HERC1: variants seen among roughly 807,000 people sequenced by gnomAD.
The protein encoded by HERC1 is probable E3 ubiquitin-protein ligase HERC1.
A neutral mutation model predicts 554.3 loss-of-function variants in HERC1; 160 were observed. The observed-to-expected ratio is 0.29, with a 90% CI of 0.25 to 0.33. HERC1 has a LOEUF of 0.33. Ranked by LOEUF, HERC1 falls within the 10% of genes least tolerant of loss-of-function variation. The pLI, the probability that HERC1 is intolerant of heterozygous loss-of-function variation, is 1.00. For synonymous variants in HERC1, 2,175 were observed against 2,131.7 expected (o/e 1.02, Z -0.56); for missense variants, 4,919 against 5,918.5 (o/e 0.83, Z 5.54).
chr15:63,788,490 G>A (rs2076525631), intron 1 of HERC1, among the ~76,000 whole-genome samples: 1 of 152,198 alleles, frequency 6.6e-6, no homozygotes, highest in African/African-American at 2.4e-5. Context: ...AGGGCATAGA[G>A]CAAAGAGTCT....
chr15:63,638,772 T>C lies in HERC1; in HGVS notation c.11906A>G (p.Asn3969Ser). 1 of 1,613,248 alleles carries C rather than the reference T, an allele frequency of 6.2e-7. No homozygotes were observed. The highest frequency in any genetic ancestry group is 1.1e-5 in the South Asian group (1 of 91,064). Residue 3969 changes from asparagine (N) to serine (S), a missense_variant, in exon 62 of 78, where the codon AAC becomes AGC. Physicochemically the swap from Asn to Ser is conservative, Grantham distance 46. Transcript: ENST00000443617. ...ATCCATGCCGTTAATCCATTTACTG[T>C]TATCCTGAAAAACAGGGGGTACATA... ...PEDELVFLMDNSKWINGMDEQ... is the reference protein window; with the variant it reads ...PEDELVFLMDSSKWINGMDEQ...
rs2075419095 is a variant in HERC1 at position 63,756,289 on chromosome 15, T to C, written c.1533+148A>G. 3.2e-6 allele frequency: 2 copies of C among 632,446 alleles called. No homozygotes were observed. Among genetic ancestry groups the C allele is most frequent in the Non-Finnish European group, 5.6e-6 (2 of 355,708 alleles). The allele number at this position is 632,446 out of a possible 1,614,324, so 39.2% of individuals were successfully genotyped here. A position where few individuals can be genotyped will look rare whatever the true frequency, so the allele number is the denominator to read the frequency against. On this transcript the variant is annotated intron_variant, in intron 5 of 77. Transcript: ENST00000443617. This position sits in a 1 kb window ranked among gnomAD's most constrained non-coding sequence, Gnocchi z 5.0. ...AATTCAATAATGTATACAAAGGTGTTCTGTAAACTGTAAAGCAGAGATACA... is the reference window on the plus strand; with the variant it reads ...AATTCAATAATGTATACAAAGGTGTCCTGTAAACTGTAAAGCAGAGATACA...
At chr15:63,752,909 T>TA in intron 8 of HERC1, 49 bp downstream of exon 8, 1 of 1,548,426 alleles carries the variant, frequency 6.5e-7, no homozygotes, top group Non-Finnish European at 8.8e-7. Context: ...TTTAGTCACC[T>TA]AATCCTCTGA....
At position 63,747,008 on chromosome 15, in the gene HERC1, T is replaced by C. The variant is rs765788053; in HGVS notation, c.2430A>G (p.Val810=). 1.3e-6 allele frequency: 2 copies of C among 1,583,406 alleles called. No homozygotes were observed. Among genetic ancestry groups the C allele is most frequent in the East Asian group, 2.3e-5 (1 of 43,272 alleles). ...NHLALALAGG[V]ATSILGRQAG... ...CCTGCCTCCCGAGAATGCTGGTAGC[T>C]ACCCCTCCCGCAAGTGCAAGAGCAA... The change falls in exon 12 of 78, where the codon GTA becomes GTG. Residue 810 remains valine (V), a synonymous_variant. Coordinates refer to ENST00000443617, the MANE Select transcript of HERC1 (RefSeq NM_003922.4).
intron 51 of HERC1, among the ~76,000 whole-genome samples, chr15:63,652,760 T>C (rs1292957615): frequency 6.6e-6 from 1 of 152,172 alleles, no homozygotes; most frequent in Non-Finnish European, 1.5e-5. Flanking sequence ...TTAAGCAATT[T>C]TCATGCCTCA....
intron 1 of HERC1, among the ~76,000 whole-genome samples, chr15:63,814,895 T>A (rs1021695031): frequency 2.0e-5 from 3 of 152,246 alleles, no homozygotes; most frequent in Non-Finnish European, 2.9e-5. Context: ...ATGAAAGTAT[T>A]TTAATGCAAT....
At chr15:63,785,544 G>A (rs2076411861) in intron 1 of HERC1, among the ~76,000 whole-genome samples, 1 of 152,062 alleles carries the variant, frequency 6.6e-6, no homozygotes, top group Non-Finnish European at 1.5e-5. Flanking sequence ...CAAGGTGGGC[G>A]GATCACTTGA....
At chr15:63,668,396 G>T (rs1051894044) in intron 40 of HERC1, among the ~76,000 whole-genome samples, 2 of 152,176 alleles carry the variant, frequency 1.3e-5, no homozygotes, top group Non-Finnish European at 2.9e-5. Flanking sequence ...GGGAAGCTGA[G>T]GTGGGAGAAC....
At chr15:63,683,353 T>C (rs1405099956) in intron 34 of HERC1, among the ~76,000 whole-genome samples, 1 of 152,162 alleles carries the variant, frequency 6.6e-6, no homozygotes, top group African/African-American at 2.4e-5. Flanking sequence ...GGTGGGTTTT[T>C]GCTATGATTT....
In HERC1 at chr15:63,640,132, G is replaced by A; in HGVS notation, c.11901+20C>T. 1 of 1,607,542 alleles carries A rather than the reference G, an allele frequency of 6.2e-7. No individual in the cohort carries two copies. Among genetic ancestry groups the A allele is most frequent in the Non-Finnish European group, 8.5e-7 (1 of 1,175,160 alleles). The stretch of plus-strand genomic sequence containing the variant: ...GATAAAATCTCAGCTGCAAATAATA[G>A]CAGCTCACAGTACATTTACCATTAG... On this transcript the variant is annotated intron_variant, in intron 61 of 77. Transcript: ENST00000443617.
At chr15:63,700,568 T>C (rs1456332567) in intron 25 of HERC1, among the ~76,000 whole-genome samples, 1 of 152,096 alleles carries the variant, frequency 6.6e-6, no homozygotes, top group East Asian at 1.9e-4. Context: ...AATTTATATG[T>C]ATCCTAGTAA....
chr15:63,736,319 A>T (rs1452252214), intron 12 of HERC1, among the ~76,000 whole-genome samples: 2 of 152,224 alleles, frequency 1.3e-5, no homozygotes, highest in African/African-American at 4.8e-5. Context: ...ATACCAAACT[A>T]AAATTGGGTG....
intron 1 of HERC1, among the ~76,000 whole-genome samples, chr15:63,782,752 T>C (rs2076323223): frequency 6.6e-6 from 1 of 152,232 alleles, no homozygotes; most frequent in Admixed American, 6.5e-5. Flanking sequence ...TTCACCATTG[T>C]AGATGCCATT....
chr15:63,707,201 T>A (rs2073049613), intron 24 of HERC1, among the ~76,000 whole-genome samples: 1 of 152,254 alleles, frequency 6.6e-6, no homozygotes, highest in South Asian at 2.1e-4. Flanking sequence ...CCAAAATTAC[T>A]ACTCCTTCCT....
At chr15:63,630,751 ACT>A in intron 68 of HERC1, 116 bp from the exon 69 acceptor site, 1 of 985,172 alleles carries the variant, frequency 1.0e-6, no homozygotes, top group Non-Finnish European at 1.5e-6. Context: ...GACACATATA[ACT>A]CAACTGAGGC....
rs559203741 is a variant in HERC1 at position 63,677,249 on chromosome 15, C to G, written c.7070+596G>C. On this transcript the variant is annotated intron_variant, in intron 37 of 77. Transcript: ENST00000443617. This position sits in a 1 kb window ranked among gnomAD's most constrained non-coding sequence, Gnocchi z 4.4. ...AAACATATGAAATTTGTAATTTGCA[C>G]AAATCCTCTCTGAATTCAAACACAC... Among the ~76,000 whole-genome samples the G allele has an allele frequency of 1.2e-3, 185 of 152,304 alleles. 1 individual carries two copies. Among genetic ancestry groups the G allele is most frequent in the African/African-American group, 4.4e-3 (182 of 41,556 alleles).
chr15:63,716,901 T>C (rs947067863), intron 21 of HERC1, among the ~76,000 whole-genome samples: 2 of 152,196 alleles, frequency 1.3e-5, no homozygotes, highest in African/African-American at 4.8e-5. Flanking sequence ...AATTCTAAAT[T>C]TAAAACAGTA....
At chr15:63,830,925 C>G (rs557668164) in intron 1 of HERC1, among the ~76,000 whole-genome samples, 1 of 152,238 alleles carries the variant, frequency 6.6e-6, no homozygotes, top group South Asian at 2.1e-4. Context: ...CTCTTTTTCA[C>G]TTTTTGTAGT....
intron 65 of HERC1, among the ~76,000 whole-genome samples, chr15:63,635,418 G>A (rs2068739433): frequency 6.6e-6 from 1 of 152,106 alleles, no homozygotes; most frequent in Non-Finnish European, 1.5e-5. Flanking sequence ...ACAGCCTCAG[G>A]AAGCCCAAGC....
Sources: gnomAD v4.1 joint callset for allele counts (sites outside exome capture counted in the v4.1 genomes callset) on GRCh38, gnomAD v4.1.1 for gene constraint, Gnocchi (gnomAD v3.1) non-coding constraint, MANE v1.5 for transcripts, NCBI Gene and HGNC (gene_info 2026-07-23, HGNC 2026-07-21) for gene names.